ASPRV1: variants seen among roughly 807,000 people sequenced by gnomAD.
The protein encoded by ASPRV1 is retroviral-like aspartic protease 1.
A neutral mutation model predicts 11.0 loss-of-function variants in ASPRV1; 7 were observed. The observed-to-expected ratio is 0.64, with a 90% confidence interval of 0.36 to 1.20. The LOEUF is 1.20. Among genes scored for constraint, ASPRV1 ranks in the 50% most tolerant of loss-of-function variants. ASPRV1 has a pLI of 0.02. For synonymous variants in ASPRV1, 136 were observed against 138.4 expected (o/e 0.98, Z 0.12); for missense variants, 299 against 320.0 (o/e 0.93, Z 0.50).
the ASPRV1 span, among the ~76,000 whole-genome samples, chr2:70,018,350 C>T: frequency 6.6e-6 from 1 of 150,630 alleles, no homozygotes. Context: ...TCATACTACC[C>T]AAAATGACCT....
the ASPRV1 span, among the ~76,000 whole-genome samples, chr2:70,060,535 G>A: frequency 2.2e-4 from 34 of 151,868 alleles, no homozygotes; most frequent in East Asian, 2.9e-3. Flanking sequence ...CATAGTCGCC[G>A]GGCACAGTGG....
chr2:69,952,160 AC>A, the ASPRV1 span, among the ~76,000 whole-genome samples: 1 of 152,160 alleles, frequency 6.6e-6, no homozygotes, highest in Non-Finnish European at 1.5e-5. Context: ...GGGCAAATTA[AC>A]CTCTCCCAAT....
Position 69,960,819 on chromosome 2 carries a change from C to T in ASPRV1, c.618G>A (p.Gln206=). ...EEAIIGTDVL[Q]DHNAILDFEH... is the part of the protein sequence containing the mutation. ...CAAAGTCCAGGATAGCATTGTGGTC[C>T]TGGAGCACATCAGTGCCAATGATGG... Residue 206 remains glutamine, a synonymous_variant, in exon 1 of 1, where the codon CAG becomes CAA. Coordinates refer to ENST00000320256, the MANE Select transcript of ASPRV1 (RefSeq NM_152792.4). 3.7e-6 allele frequency: 6 copies of T among 1,614,126 alleles called. No individual in the cohort carries two copies. The highest frequency in any genetic ancestry group is 1.1e-5 in the South Asian group (1 of 91,064).
chr2:70,005,685 AG>A, the ASPRV1 span, among the ~76,000 whole-genome samples: 23,125 of 152,144 alleles, frequency 0.15, 2,718 homozygotes, highest in East Asian at 0.31. Context: ...TAAACTTTGT[AG>A]TGTCTTCAAC....
chr2:70,078,746 A>G, the ASPRV1 span, among the ~76,000 whole-genome samples: 1 of 152,222 alleles, frequency 6.6e-6, no homozygotes, highest in African/African-American at 2.4e-5. Context: ...TGGTAGGGAC[A>G]CTACCTTTTA....
the ASPRV1 span, among the ~76,000 whole-genome samples, chr2:70,002,631 A>C: frequency 6.6e-6 from 1 of 152,228 alleles, no homozygotes; most frequent in Non-Finnish European, 1.5e-5. Flanking sequence ...TCACATCCAG[A>C]GGCAAAGCCA....
At chr2:70,040,800 T>TG in the ASPRV1 span, among the ~76,000 whole-genome samples, 4,534 of 152,128 alleles carry the variant, frequency 0.03, 245 homozygotes, top group African/African-American at 0.1. Flanking sequence ...CACCACTGTA[T>TG]TCCAGCCTGG....
At chr2:70,073,521 C>T in the ASPRV1 span, among the ~76,000 whole-genome samples, 1 of 152,056 alleles carries the variant, frequency 6.6e-6, no homozygotes. Flanking sequence ...TTCATTTAAT[C>T]TTTAACGATA....
chr2:70,073,145 T>C, the ASPRV1 span: 1 of 152,130 alleles, frequency 6.6e-6, no homozygotes, highest in Non-Finnish European at 1.5e-5. Context: ...AGCTCCCCTA[T>C]TAATGGAGGT....
At chr2:69,969,770 G>A in the ASPRV1 span, among the ~76,000 whole-genome samples, 1 of 152,098 alleles carries the variant, frequency 6.6e-6, no homozygotes, top group Non-Finnish European at 1.5e-5. Flanking sequence ...TCGTCACCTA[G>A]GCTGAAATGC....
At chr2:69,945,514 G>GTGGCTGC in the ASPRV1 span, among the ~76,000 whole-genome samples, 9 of 152,232 alleles carry the variant, frequency 5.9e-5, no homozygotes, top group Non-Finnish European at 1.0e-4. Context: ...TGAGGTAGAT[G>GTGGCTGC]TGGCTGCTGG....
the ASPRV1 span, chr2:69,938,639 G>A: frequency 2.1e-5 from 4 of 189,430 alleles, no homozygotes; most frequent in Non-Finnish European, 4.4e-5. Flanking sequence ...CTGGCTTACT[G>A]TGTTACTTGC....
the ASPRV1 span, among the ~76,000 whole-genome samples, chr2:69,979,538 TG>T: frequency 1.9e-4 from 29 of 151,942 alleles, no homozygotes; most frequent in African/African-American, 6.5e-4. Flanking sequence ...GACACAGAGG[TG>T]GGGAGGCCAG....
chr2:70,072,611 A>G, the ASPRV1 span, among the ~76,000 whole-genome samples: 1 of 152,028 alleles, frequency 6.6e-6, no homozygotes, highest in Non-Finnish European at 1.5e-5. Flanking sequence ...ACTCCCAGCT[A>G]CTGGGGAGGC....
chr2:70,001,603 C>CA, the ASPRV1 span, among the ~76,000 whole-genome samples: 1 of 152,048 alleles, frequency 6.6e-6, no homozygotes, highest in African/African-American at 2.4e-5. Context: ...ATTAAAAATA[C>CA]AAAAACATTA....
At chr2:70,021,866 C>A in the ASPRV1 span, among the ~76,000 whole-genome samples, 1 of 150,096 alleles carries the variant, frequency 6.7e-6, no homozygotes, top group African/African-American at 2.5e-5. Flanking sequence ...CCATACCCAG[C>A]TAATTTTTTT....
the ASPRV1 span, among the ~76,000 whole-genome samples, chr2:69,970,370 C>G: frequency 6.6e-6 from 1 of 152,154 alleles, no homozygotes; most frequent in Admixed American, 6.5e-5. Flanking sequence ...GCTCTTCATC[C>G]CAAAATAAAA....
the ASPRV1 span, among the ~76,000 whole-genome samples, chr2:70,037,610 G>A: frequency 6.6e-6 from 1 of 151,096 alleles, no homozygotes; most frequent in African/African-American, 2.4e-5. Context: ...ATTCTTCTAT[G>A]ACTTTGGCCC....
the ASPRV1 span, among the ~76,000 whole-genome samples, chr2:69,951,477 GTGTGTGTA>G: frequency 0.014 from 1,414 of 97,838 alleles, 20 homozygotes; most frequent in African/African-American, 0.069. Context: ...GTGTGTGTGT[GTGTGTGTA>G]TATCTATATG....
Sources: gnomAD v4.1 joint callset for allele counts (sites outside exome capture counted in the v4.1 genomes callset) on GRCh38, gnomAD v4.1.1 for gene constraint, MANE v1.5 for transcripts, NCBI Gene and HGNC (gene_info 2026-07-23, HGNC 2026-07-21) for gene names.